The following TMEM132C variants were observed in gnomAD, a reference collection of about 807,000 sequenced individuals.
TMEM132C encodes protein phosphatase 1, regulatory subunit 152.
Under a neutral mutation model 61.4 loss-of-function variants are expected in TMEM132C, and 29 were observed. The ratio of observed to expected loss-of-function variants is 0.47; its 90% CI spans 0.35 to 0.64. The LOEUF (loss-of-function observed/expected upper bound fraction) is 0.64. Ranked by LOEUF, TMEM132C falls within the 30% of genes least tolerant of loss-of-function variation. The pLI, the probability that TMEM132C is intolerant of heterozygous loss-of-function variation, is 0.00. For missense variants in TMEM132C, 1,408 were observed against 1,476.9 expected (o/e 0.95, Z 0.76); for synonymous variants, 656 against 633.1 (o/e 1.04, Z -0.54).
At chr12:128,440,953 A>G (rs1173906038) in intron 2 of TMEM132C, among the ~76,000 whole-genome samples, 1 of 152,190 alleles carries the variant, frequency 6.6e-6, no homozygotes, top group East Asian at 1.9e-4. Context: ...AGGCAGGACA[A>G]TCGCTTGAAT....
chr12:128,300,537 G>A (rs1002046333), intron 1 of TMEM132C, among the ~76,000 whole-genome samples: 3 of 152,202 alleles, frequency 2.0e-5, no homozygotes, highest in African/African-American at 7.2e-5. Flanking sequence ...CTGAGTTACA[G>A]TGATGCCTTT....
Position 128,705,113 on chromosome 12 carries a change from G to A in TMEM132C, c.2145G>A (p.Leu715=), listed in dbSNP as rs1279263187. Residue 715 remains leucine, a synonymous_variant, in exon 9 of 9, where the codon CTG becomes CTA. Coordinates refer to ENST00000435159, the MANE Select transcript of TMEM132C (RefSeq NM_001136103.3). ...AGGAGGCTGTATTCAGCACGTGGCT[G>A]CAGTTCAGTGATGGCTCTGTGACGC... The part of the protein sequence containing the change: ...PKQEAVFSTW[L]QFSDGSVTPL... 11 of 1,544,018 alleles carry A rather than the reference G, an allele frequency of 7.1e-6. No homozygotes were observed. Among genetic ancestry groups the A allele is most frequent in the Non-Finnish European group, 9.6e-6 (11 of 1,141,360 alleles).
rs938422137 is a variant in TMEM132C, at chr12:128,278,443, T to C, written c.85+10956T>C. ...TATTAACTAAATGACGTTTCCTAGCTGGGATCTCTCACTGCCTTCTCCTGG... is the reference window on the plus strand; with the variant it reads ...TATTAACTAAATGACGTTTCCTAGCCGGGATCTCTCACTGCCTTCTCCTGG... On this transcript the variant is annotated intron_variant, in intron 1 of 8. Transcript: ENST00000435159. The surrounding 1 kb of genome is among the most constrained non-coding windows in gnomAD (Gnocchi z 4.2). Among the ~76,000 whole-genome samples the C allele has an allele frequency of 6.6e-6, 1 of 152,222 alleles. No homozygotes were observed. Among genetic ancestry groups the C allele is most frequent in the Non-Finnish European group, 1.5e-5 (1 of 68,036 alleles).
intron 1 of TMEM132C, among the ~76,000 whole-genome samples, chr12:128,406,808 G>C (rs1875364113): frequency 6.6e-6 from 1 of 152,168 alleles, no homozygotes; most frequent in Non-Finnish European, 1.5e-5. Flanking sequence ...TGGGAGGCAG[G>C]GAGTAGAGCA....
At chr12:128,368,001 G>GATT (rs1385721537) in intron 1 of TMEM132C, among the ~76,000 whole-genome samples, 1 of 152,186 alleles carries the variant, frequency 6.6e-6, no homozygotes, top group African/African-American at 2.4e-5. Context: ...AAAGAGGTCA[G>GATT]ATAATAAAGG....
At chr12:128,629,301 G>T (rs1954045980) in intron 4 of TMEM132C, among the ~76,000 whole-genome samples, 1 of 152,068 alleles carries the variant, frequency 6.6e-6, no homozygotes, top group South Asian at 2.1e-4. Flanking sequence ...GGTGGCTTGA[G>T]CCCAGGAGTT....
chr12:128,641,328 G>A (rs7132807), intron 4 of TMEM132C, among the ~76,000 whole-genome samples: 1,800 of 152,284 alleles, frequency 0.012, 34 homozygotes, highest in African/African-American at 0.041. Context: ...GGGTTGGGTT[G>A]TGTCCCTCAA....
At chr12:128,611,746 T>A (rs1383396726) in intron 3 of TMEM132C, among the ~76,000 whole-genome samples, 2 of 152,214 alleles carry the variant, frequency 1.3e-5, no homozygotes, top group Non-Finnish European at 2.9e-5. Flanking sequence ...GTTCTTATAA[T>A]TTAAAATCCA....
chr12:128,305,228 T>TATA (rs1871729284), intron 1 of TMEM132C, among the ~76,000 whole-genome samples: 1 of 152,054 alleles, frequency 6.6e-6, no homozygotes, highest in South Asian at 2.1e-4. Flanking sequence ...TAATTATTAT[T>TATA]ATAATAACTG....
chr12:128,287,377 A>G (rs1349629176), intron 1 of TMEM132C, among the ~76,000 whole-genome samples: 3 of 152,342 alleles, frequency 2.0e-5, no homozygotes, highest in African/African-American at 7.2e-5. Context: ...AGAGTCTTAC[A>G]TACTTTTCAC....
intron 5 of TMEM132C, among the ~76,000 whole-genome samples, chr12:128,685,955 A>G (rs936148479): frequency 3.3e-5 from 5 of 152,332 alleles, no homozygotes; most frequent in Admixed American, 1.3e-4. Context: ...TGGCCAGTCA[A>G]CGAATGTTTG....
chr12:128,403,164 G>A (rs573218192), intron 1 of TMEM132C, among the ~76,000 whole-genome samples: 1 of 152,330 alleles, frequency 6.6e-6, no homozygotes, highest in South Asian at 2.1e-4. Context: ...AGGAAACAAT[G>A]AGCCATATTT....
intron 4 of TMEM132C, among the ~76,000 whole-genome samples, chr12:128,618,653 A>C (rs1876890470): frequency 6.6e-6 from 1 of 152,196 alleles, no homozygotes; most frequent in African/African-American, 2.4e-5. Flanking sequence ...AAGTCTCAAA[A>C]GATCTAGTGC....
intron 1 of TMEM132C, among the ~76,000 whole-genome samples, chr12:128,336,963 TTTTTA>T (rs1216353036): frequency 6.6e-6 from 1 of 152,174 alleles, no homozygotes; most frequent in Non-Finnish European, 1.5e-5. Context: ...ATGTGGAATG[TTTTTA>T]TTTTATCTAC....
chr12:128,533,478 A>C, intron 2 of TMEM132C, among the ~76,000 whole-genome samples: 1 of 152,200 alleles, frequency 6.6e-6, no homozygotes, highest in East Asian at 1.9e-4. Flanking sequence ...GGAAGCTGGA[A>C]GTTAAAGATC....
At chr12:128,370,179 G>A (rs1259524928) in intron 1 of TMEM132C, among the ~76,000 whole-genome samples, 2 of 152,102 alleles carry the variant, frequency 1.3e-5, no homozygotes, top group Non-Finnish European at 2.9e-5. Context: ...CAAGCCCCCT[G>A]CCAGTCTTAG....
At chr12:128,377,859 A>G (rs1334896192) in intron 1 of TMEM132C, among the ~76,000 whole-genome samples, 1 of 152,184 alleles carries the variant, frequency 6.6e-6, no homozygotes, top group Non-Finnish European at 1.5e-5. Context: ...TCTGAAGAGC[A>G]GTGTGGGCTC....
intron 3 of TMEM132C, among the ~76,000 whole-genome samples, chr12:128,576,061 C>T (rs929971958): frequency 6.6e-6 from 1 of 152,132 alleles, no homozygotes; most frequent in Admixed American, 6.5e-5. Flanking sequence ...TCGAGACCAG[C>T]CTGGCCAACA....
chr12:128,391,019 G>C (rs146077909), intron 1 of TMEM132C, among the ~76,000 whole-genome samples: 10 of 152,326 alleles, frequency 6.6e-5, no homozygotes, highest in African/African-American at 2.2e-4. Context: ...GGAGGCTGAT[G>C]CCTTAACGCT....
Sources: gnomAD v4.1 joint callset for allele counts (sites outside exome capture counted in the v4.1 genomes callset) on GRCh38, gnomAD v4.1.1 for gene constraint, Gnocchi (gnomAD v3.1) non-coding constraint, MANE v1.5 for transcripts, NCBI Gene and HGNC (gene_info 2026-07-23, HGNC 2026-07-21) for gene names.